The following CLUH variants were observed in gnomAD, a reference collection of about 807,000 sequenced individuals.
CLUH encodes clustered mitochondria protein homolog.
Under a neutral mutation model 139.3 loss-of-function variants are expected in CLUH, and 77 were observed. The ratio of observed to expected loss-of-function variants is 0.55; its 90% CI spans 0.46 to 0.67. The LOEUF (loss-of-function observed/expected upper bound fraction) is 0.67. CLUH is among the 30% of genes least tolerant of loss of function. The pLI is 0.00. For missense variants in CLUH, 1,876 were observed against 1,875.8 expected, an observed-to-expected ratio of 1.00 and a Z score of 0.00; for synonymous variants, 999 against 801.6, an observed-to-expected ratio of 1.25 and a Z score of -4.16.
Position 2,695,398 on chromosome 17 carries a change from G to A in CLUH, c.2520C>T (p.Ala840=). The change falls in exon 14 of 26, where the codon GCC becomes GCT. Residue 840 remains alanine, a synonymous_variant. Coordinates refer to ENST00000651024, the MANE Select transcript of CLUH (RefSeq NM_001366661.1). ...CAAAGACGTGGTCCAGCTGGTGGCG[G>A]GCCGGGCTCCGCAGCACCAGCTCCA... ...KVLELVLRSP[A]RHQLDHVFKI... is the part of the protein sequence containing the mutation. 1 of 1,612,736 alleles carries A rather than the reference G, an allele frequency of 6.2e-7. No homozygotes were observed. The highest frequency in any genetic ancestry group is 8.5e-7 in the Non-Finnish European group (1 of 1,179,690).
rs1389122440 is a variant in CLUH, at chr17:2,690,446, G to GCTCC, written c.*144_*147dup. 3 of 632,588 alleles carry GCTCC rather than the reference G, an allele frequency of 4.7e-6. No homozygotes were observed. In the African/African-American group the frequency reaches 5.8e-5, roughly 12 times the overall value. 39.2% of individuals were successfully genotyped at this position (632,588 alleles called of 1,614,324 possible). ...ACCTTCTGCGGGGCAGGCAGGCCAG[G>GCTCC]CTCCCAGGAGGACACGGGGGTGGGG... On this transcript the variant is annotated 3_prime_UTR_variant, in exon 26 of 26. Transcript: ENST00000651024.
intron 19 of CLUH, among the ~76,000 whole-genome samples, chr17:2,693,216 T>C (rs1035965727): frequency 7.0e-6 from 1 of 142,730 alleles, no homozygotes; most frequent in African/African-American, 2.6e-5. Flanking sequence ...GCCAACATGA[T>C]GAAACCCCAT....
Position 2,695,385 on chromosome 17 carries a change from C to G in CLUH, c.2533G>C (p.Asp845His). The G allele has an allele frequency of 6.2e-7, 1 of 1,612,860 alleles. No homozygotes were observed. Among genetic ancestry groups the G allele is most frequent in the Non-Finnish European group, 8.5e-7 (1 of 1,179,690 alleles). Reference sequence around the variant, plus strand: ...CGGGCAGCACTCACAAAGACGTGGTCCAGCTGGTGGCGGGCCGGGCTCCGC... The same window carrying G: ...CGGGCAGCACTCACAAAGACGTGGTGCAGCTGGTGGCGGGCCGGGCTCCGC... ...VLRSPARHQLDHVFKIGIGEL... is the reference protein window; with the variant it reads ...VLRSPARHQLHHVFKIGIGEL... The change falls in exon 14 of 26, where the codon GAC (aspartate) becomes CAC (histidine). Residue 845 changes from aspartate to histidine, a missense_variant. By Grantham distance (81) the Asp-to-His change is moderately conservative (BLOSUM62 -1). Coordinates refer to ENST00000651024, the MANE Select transcript of CLUH (RefSeq NM_001366661.1).
rs771664686 is a variant in CLUH at position 2,702,010 on chromosome 17, C to G, written c.523G>C (p.Asp175His). The part of the protein sequence containing the change: ...EARIHVRHVR[D>H]LLKSLDPSDA... ...GATGGGTCCAGGCTCTTGAGCAGGT[C>G]TCGGACATGGCGCACGTGGATGCGG... is the stretch of plus-strand genomic sequence containing the variant. Residue 175 changes from aspartate to histidine, a missense_variant, in exon 4 of 26, where the codon GAC (aspartate) becomes CAC (histidine). Around this residue, in one of 3 missense-constraint regions of CLUH, gnomAD observed 270 missense variants for 354.7 expected, o/e 0.76. Transcript: ENST00000651024. 1 of 1,613,992 alleles carries G rather than the reference C, an allele frequency of 6.2e-7. No homozygotes were observed. Among genetic ancestry groups the G allele is most frequent in the Admixed American group, 1.7e-5 (1 of 60,024 alleles).
rs78551454 is a variant in CLUH at position 2,694,046 on chromosome 17, G to A, written c.3092-7C>T. The A allele has an allele frequency of 7.4e-6, 12 of 1,613,744 alleles. No homozygotes were observed. In the South Asian group the frequency reaches 1.1e-4, roughly 15 times the overall value. Reference sequence around the variant, plus strand: ...CAGCCCTCCTTCAGGAAGCCTGCAGGGCACCCCCAGGGGTGGCAAGGTCAG... The same window carrying A: ...CAGCCCTCCTTCAGGAAGCCTGCAGAGCACCCCCAGGGGTGGCAAGGTCAG... On this transcript the variant is annotated splice_region_variant and splice_polypyrimidine_tract_variant and intron_variant, in intron 18 of 25. Coordinates refer to ENST00000651024, the MANE Select transcript of CLUH (RefSeq NM_001366661.1).
intron 3 of CLUH, among the ~76,000 whole-genome samples, chr17:2,702,979 C>A (rs1461434995): frequency 6.6e-6 from 1 of 152,224 alleles, no homozygotes; most frequent in Admixed American, 6.5e-5. Flanking sequence ...CACCTGCCAC[C>A]ACGCGCAGCT....
At chr17:2,711,783 C>A, upstream of CLUH, 1 of 284,386 alleles carries the variant, frequency 3.5e-6, no homozygotes, top group Non-Finnish European at 5.3e-6. Context: ...TGGTGCGCGC[C>A]GTGGCCTTTG....
intron 9 of CLUH, among the ~76,000 whole-genome samples, chr17:2,699,460 G>A (rs1309892055): frequency 1.3e-5 from 2 of 152,026 alleles, no homozygotes; most frequent in Non-Finnish European, 2.9e-5. Context: ...CCGAGTAGCT[G>A]GGACTACAGG....
intron 19 of CLUH, 29 bp from the exon 20 acceptor site, chr17:2,692,889 G>C (rs1240427778): frequency 6.5e-7 from 1 of 1,548,174 alleles, no homozygotes; most frequent in Non-Finnish European, 8.7e-7. Flanking sequence ...GGTTGCCGCG[G>C]CGTGGGAACC....
rs747808874 is a variant in CLUH at position 2,696,858 on chromosome 17, A to G, written c.2046T>C (p.Asn682=). 15 of 1,613,288 alleles carry G rather than the reference A, an allele frequency of 9.3e-6. No individual in the cohort carries two copies. In the African/African-American group the frequency reaches 1.5e-4, roughly 16 times the overall value. Residue 682 remains asparagine, a synonymous_variant, in exon 11 of 26, where the codon AAT becomes AAC. Coordinates refer to ENST00000651024, the MANE Select transcript of CLUH (RefSeq NM_001366661.1). ...TGGACTCCAAGGAGGAAGGACCACCATTTTCCAGGGAGGAGGGGGTCTCCA... is the reference window on the plus strand; with the variant it reads ...TGGACTCCAAGGAGGAAGGACCACCGTTTTCCAGGGAGGAGGGGGTCTCCA... The part of the protein sequence containing the change: ...SQLETPSSLE[N]GGPSSLESKS...
Position 2,696,722 on chromosome 17 carries a change from T to C in CLUH, c.2182A>G (p.Thr728Ala). 6.2e-7 allele frequency: 1 copy of C among 1,611,810 alleles called. No homozygotes were observed. The change falls in exon 11 of 26, where the codon ACA becomes GCA. Residue 728 changes from threonine to alanine, a missense_variant. By Grantham distance (58) the Thr-to-Ala change is moderately conservative. Transcript: ENST00000651024. ...CGGCCATCTGCAGCAGCCCCACCTG[T>C]GCCGTCGTCTGCGGCGATGGTCTCT... Reference protein sequence around the residue: ...LAETIAADDGTADPRSREVIR... With the variant: ...LAETIAADDGAADPRSREVIR...
Position 2,691,673 on chromosome 17 carries a change from G to C in CLUH, c.3799C>G (p.Pro1267Ala). ...ANIPPLKFTA[P>A]SMASVLEQLN... Reference sequence around the variant, plus strand: ...TGCTCCAAGACGCTGGCCATGCTGGGGGCCGTGAACTGCGGGGCGGGGAAA... The same window carrying C: ...TGCTCCAAGACGCTGGCCATGCTGGCGGCCGTGAACTGCGGGGCGGGGAAA... The change falls in exon 25 of 26, where the codon CCC (proline) becomes GCC (alanine). Residue 1267 changes from proline to alanine, a missense_variant. By Grantham distance (27) the Pro-to-Ala change is conservative. Transcript: ENST00000651024. The C allele has an allele frequency of 6.2e-7, 1 of 1,612,138 alleles. No individual in the cohort carries two copies. The highest frequency in any genetic ancestry group is 8.5e-7 in the Non-Finnish European group (1 of 1,179,112).
In CLUH at chr17:2,705,013, G is replaced by C. The variant is rs374992330; in HGVS notation, c.101-449C>G. Reference sequence around the variant, plus strand: ...CCTGGGCTGCAGGGGGGCTGCAGGGGAGTGCCTAGGCCCAGCCTCTCCTGT... The same window carrying C: ...CCTGGGCTGCAGGGGGGCTGCAGGGCAGTGCCTAGGCCCAGCCTCTCCTGT... On this transcript the variant is annotated intron_variant, in intron 1 of 25. Transcript: ENST00000651024. Among the ~76,000 whole-genome samples, 4 of 152,044 alleles carry C rather than the reference G, an allele frequency of 2.6e-5. No homozygotes were observed. In the South Asian group the frequency reaches 6.2e-4, roughly 24 times the overall value.
Position 2,701,918 on chromosome 17 carries a change from C to T in CLUH, c.615G>A (p.Leu205=), listed in dbSNP as rs560602592. The part of the protein sequence containing the change: ...SFLSVFTDGD[L]GDSGKRKKGL... ...CGGCCCCAGTGCCTCCCGCACCTCC[C>T]AGGTCGCCGTCGGTGAAGACACTCA... The change falls in exon 4 of 26, where the codon CTG becomes CTA. Residue 205 remains leucine (L), a synonymous_variant. Transcript: ENST00000651024. 112 of 1,613,822 alleles carry T rather than the reference C, an allele frequency of 6.9e-5. No homozygotes were observed. The highest frequency in any genetic ancestry group is 6.2e-4 in the Admixed American group (37 of 60,030).
At chr17:2,697,360 T>C (rs924838037) in intron 10 of CLUH, among the ~76,000 whole-genome samples, 3 of 150,694 alleles carry the variant, frequency 2.0e-5, no homozygotes, top group African/African-American at 7.4e-5. Flanking sequence ...GATCGTGCCA[T>C]TGCACTCCAG....
Position 2,704,639 on chromosome 17 carries a change from G to T in CLUH, c.101-75C>A. ...GGGCTGTCCGCCTGACCCCACACGGGGACACGTGCCTTCTGGAAAGGCATC... is the reference window on the plus strand; with the variant it reads ...GGGCTGTCCGCCTGACCCCACACGGTGACACGTGCCTTCTGGAAAGGCATC... On this transcript the variant is annotated intron_variant, in intron 1 of 25. Transcript: ENST00000651024. The surrounding 1 kb of genome is among the most constrained non-coding windows in gnomAD (Gnocchi z 5.7). 7.2e-7 allele frequency: 1 copy of T among 1,380,288 alleles called. No homozygotes were observed. The highest frequency in any genetic ancestry group is 9.7e-7 in the Non-Finnish European group (1 of 1,030,006). 85.5% of individuals were successfully genotyped at this position (1,380,288 alleles called of 1,614,324 possible). A position where few individuals can be genotyped will look rare whatever the true frequency, so the allele number is the denominator to read the frequency against.
Position 2,694,487 on chromosome 17 carries a change from C to T in CLUH, c.2930G>A (p.Gly977Glu). Residue 977 changes from glycine to glutamate, a missense_variant, in exon 17 of 26, where the codon GGG becomes GAG. Physicochemically the swap from Gly to Glu is moderately conservative, Grantham distance 98. Around this residue, in one of 3 missense-constraint regions of CLUH, gnomAD observed 1,454 missense variants for 1,384.4 expected, o/e 1.05. Coordinates refer to ENST00000651024, the MANE Select transcript of CLUH (RefSeq NM_001366661.1). ...GCTGTGAGCCATGCCCACCTGGATC[C>T]CTGTTTTCAGCGAGATCTCCCGCAG... is the stretch of plus-strand genomic sequence containing the variant. ...TLLREISLKT[G>E]IQVLLKEYSF... is the part of the protein sequence containing the mutation. The T allele has an allele frequency of 1.3e-6, 2 of 1,578,128 alleles. No homozygotes were observed. Among genetic ancestry groups the T allele is most frequent in the South Asian group, 1.2e-5 (1 of 85,770 alleles).
intron 13 of CLUH, chr17:2,695,812 G>C: frequency 3.5e-6 from 2 of 579,378 alleles, no homozygotes; most frequent in Admixed American, 6.5e-5. Context: ...TGGAGGCCAC[G>C]GTGTTGGGGG....
At chr17:2,692,187 C>A in intron 22 of CLUH, 90 bp from the exon 23 acceptor site, 1 of 1,458,354 alleles carries the variant, frequency 6.9e-7, no homozygotes, top group South Asian at 1.2e-5. Context: ...TCCCGTAGAT[C>A]CCTCCCTGGA....
Sources: gnomAD v4.1 joint callset for allele counts (sites outside exome capture counted in the v4.1 genomes callset) on GRCh38, gnomAD v4.1.1 for gene constraint, gnomAD v4.1.1 regional missense constraint, Gnocchi (gnomAD v3.1) non-coding constraint, MANE v1.5 for transcripts, NCBI Gene and HGNC (gene_info 2026-07-23, HGNC 2026-07-21) for gene names.